The following VRK2 variants were observed in gnomAD, a reference collection of about 807,000 sequenced individuals.
VRK2 encodes VRK serine/threonine kinase 2, also known as serine/threonine-protein kinase VRK2.
VRK2 carries 60 observed loss-of-function variants against 57.6 expected under a neutral mutation model. The observed-to-expected ratio is 1.04, with a 90% CI of 0.85 to 1.29. The LOEUF (loss-of-function observed/expected upper bound fraction) is 1.29, where lower values mean the gene tolerates loss of function less well. VRK2 is among the 50% of genes most tolerant of loss of function. VRK2 has a pLI of 0.00. For missense variants in VRK2, 705 were observed against 588.1 expected (o/e 1.20, Z -2.06); for synonymous variants, 231 against 199.2 (o/e 1.16, Z -1.35).
chr2:57,984,703 A>G (rs929676677), intron 1 of VRK2, among the ~76,000 whole-genome samples: 12 of 152,118 alleles, frequency 7.9e-5, no homozygotes, highest in African/African-American at 2.9e-4. Context: ...TTGTCCTTGT[A>G]GTTCCAGTCC....
At chr2:58,019,087 A>G (rs1416393212) in intron 1 of VRK2, among the ~76,000 whole-genome samples, 1 of 152,204 alleles carries the variant, frequency 6.6e-6, no homozygotes, top group East Asian at 1.9e-4. Context: ...AACTCATAGC[A>G]AGCAAGGACT....
Position 57,977,169 on chromosome 2 carries a change from T to C in VRK2, c.-438-48496T>C, listed in dbSNP as rs560105212. 7.9e-5 allele frequency among the ~76,000 whole-genome samples: 12 copies of C among 152,318 alleles called. 1 individual carries two copies. The highest frequency in any genetic ancestry group is 2.9e-4 in the African/African-American group (12 of 41,574). ...TGTGATGCCTCTGGCTTTGTTCTTT[T>C]AATTTAGGATTGCTTTGGCTATTTA... is the stretch of plus-strand genomic sequence containing the variant. On this transcript the variant is annotated intron_variant, in intron 1 of 15. Transcript: ENST00000417641.
intron 8 of VRK2, among the ~76,000 whole-genome samples, chr2:58,129,705 A>G (rs1678894451): frequency 6.6e-6 from 1 of 152,182 alleles, no homozygotes; most frequent in Admixed American, 6.5e-5. Context: ...GCAAAGTCTA[A>G]GATTTTAACT....
chr2:57,941,372 C>A (rs1422293196), intron 1 of VRK2, among the ~76,000 whole-genome samples: 2 of 152,130 alleles, frequency 1.3e-5, no homozygotes, highest in Non-Finnish European at 2.9e-5. Context: ...GAACTGGACA[C>A]ATACTGTGTT....
Position 58,123,248 on chromosome 2 carries a change from T to C in VRK2, c.676+15T>C. On this transcript the variant is annotated intron_variant, in intron 8 of 12. Coordinates refer to ENST00000340157, the MANE Select transcript of VRK2 (RefSeq NM_006296.7). Reference sequence around the variant, plus strand: ...CAAGGGAGTAGGTGGGTTTCTTTTTTCTTTTTCTTATTTTTATTTCAGAAG... The same window carrying C: ...CAAGGGAGTAGGTGGGTTTCTTTTTCCTTTTTCTTATTTTTATTTCAGAAG... 6.4e-7 allele frequency: 1 copy of C among 1,572,964 alleles called. No individual in the cohort carries two copies. The highest frequency in any genetic ancestry group is 8.6e-7 in the Non-Finnish European group (1 of 1,168,628).
At chr2:58,048,760 T>G (rs1675260040) in intron 1 of VRK2, 67 bp from the exon 2 acceptor site, 3 of 1,566,296 alleles carry the variant, frequency 1.9e-6, no homozygotes, top group Admixed American at 3.8e-5. Flanking sequence ...TTTTGGGAAG[T>G]GTATTTTAAG....
At chr2:57,980,601 G>A (rs1672391970) in intron 1 of VRK2, among the ~76,000 whole-genome samples, 1 of 152,082 alleles carries the variant, frequency 6.6e-6, no homozygotes, top group South Asian at 2.1e-4. Context: ...TAAGTTTTCT[G>A]TCCTAATGAT....
chr2:57,999,767 C>T (rs1673034729), intron 1 of VRK2, among the ~76,000 whole-genome samples: 1 of 152,130 alleles, frequency 6.6e-6, no homozygotes, highest in African/African-American at 2.4e-5. Context: ...ATAAATCATA[C>T]ATACTAAAAC....
At chr2:58,030,963 G>C (rs893278978) in intron 2 of VRK2, among the ~76,000 whole-genome samples, 3 of 152,076 alleles carry the variant, frequency 2.0e-5, no homozygotes, top group Non-Finnish European at 2.9e-5. Flanking sequence ...GTCTGGCTTA[G>C]AGTCCAAACA....
chr2:58,131,958 C>CTGCA (rs762734278), intron 9 of VRK2, 30 bp downstream of exon 9: 17 of 1,613,094 alleles, frequency 1.1e-5, no homozygotes, highest in Non-Finnish European at 1.4e-5. Flanking sequence ...TCATCATGTA[C>CTGCA]TGCACCAGGT....
chr2:57,909,227 TA>T (rs547808910), intron 1 of VRK2, among the ~76,000 whole-genome samples: 11 of 152,156 alleles, frequency 7.2e-5, no homozygotes, highest in Non-Finnish European at 1.3e-4. Context: ...TTGTATAAAG[TA>T]AAAATATCAT....
In VRK2 at chr2:57,938,466, G is replaced by A. The variant is rs116361341; in HGVS notation, c.-439+30627G>A. ...TTCATAATAAAAGTACAAGGTGATAGGAGATTTAAAAGGAGGGAATCCATT... is the reference window on the plus strand; with the variant it reads ...TTCATAATAAAAGTACAAGGTGATAAGAGATTTAAAAGGAGGGAATCCATT... On this transcript the variant is annotated intron_variant, in intron 1 of 15. Coordinates refer to the VRK2 transcript ENST00000417641. Among the ~76,000 whole-genome samples the A allele has an allele frequency of 3.4e-3, 501 of 148,554 alleles. 7 individuals carry two copies. The highest frequency in any genetic ancestry group is 0.012 in the African/African-American group (472 of 39,134).
At chr2:58,030,772 A>T (rs908329690) in intron 2 of VRK2, among the ~76,000 whole-genome samples, 1 of 152,052 alleles carries the variant, frequency 6.6e-6, no homozygotes, top group African/African-American at 2.4e-5. Flanking sequence ...AGTGATGCAT[A>T]TGACTTTCAA....
chr2:58,158,664 G>C (rs769327945), intron 12 of VRK2, among the ~76,000 whole-genome samples: 1 of 152,168 alleles, frequency 6.6e-6, no homozygotes, highest in African/African-American at 2.4e-5. Context: ...CTTTCAGCCA[G>C]TTAAGTGGTG....
chr2:58,031,309 T>C (rs1572804233), intron 2 of VRK2, among the ~76,000 whole-genome samples: 1 of 151,960 alleles, frequency 6.6e-6, no homozygotes, highest in South Asian at 2.1e-4. Flanking sequence ...ACTAGGAGAA[T>C]GTGGTGTTAT....
At chr2:58,012,147 C>T (rs1470980764) in intron 1 of VRK2, among the ~76,000 whole-genome samples, 6 of 152,132 alleles carry the variant, frequency 3.9e-5, no homozygotes, top group Admixed American at 3.3e-4. Flanking sequence ...CAGGAAGTCA[C>T]CCTATATGGT....
At chr2:58,108,815 G>T (rs1675132557) in intron 7 of VRK2, among the ~76,000 whole-genome samples, 1 of 152,146 alleles carries the variant, frequency 6.6e-6, no homozygotes, top group African/African-American at 2.4e-5. Context: ...TGAGGCACAT[G>T]GAAAATAACT....
intron 1 of VRK2, among the ~76,000 whole-genome samples, chr2:57,986,199 A>G (rs1672587755): frequency 6.6e-6 from 1 of 152,070 alleles, no homozygotes; most frequent in African/African-American, 2.4e-5. Flanking sequence ...GAATCAAGTC[A>G]TCTCTCTTCT....
chr2:58,021,186 T>C (rs1673745109), intron 1 of VRK2, among the ~76,000 whole-genome samples: 1 of 152,146 alleles, frequency 6.6e-6, no homozygotes, highest in African/African-American at 2.4e-5. Flanking sequence ...TCCTAATGAT[T>C]TGCTATATAA....
Sources: allele counts gnomAD v4.1 joint callset (sites outside exome capture counted in the v4.1 genomes callset), GRCh38; gene constraint gnomAD v4.1.1; transcripts MANE v1.5; gene names NCBI Gene and HGNC (gene_info 2026-07-23, HGNC 2026-07-21).